JMJD1C: variants seen among roughly 807,000 people sequenced by gnomAD.
JMJD1C encodes jumonji domain-containing protein 1C.
In JMJD1C, 31 loss-of-function variants were observed where a neutral mutation model predicts 245.3. The observed-to-expected ratio is 0.13, with a 90% CI of 0.09 to 0.17. The LOEUF is 0.17. JMJD1C is among the 10% of genes least tolerant of loss of function. The pLI is 1.00. For synonymous variants in JMJD1C, 1,057 were observed against 1,017.4 expected (o/e 1.04, Z -0.74); for missense variants, 2,691 against 3,000.2 (o/e 0.90, Z 2.41).
intron 1 of JMJD1C, among the ~76,000 whole-genome samples, chr10:63,516,289 T>C (rs956704703): frequency 6.6e-6 from 1 of 151,014 alleles, no homozygotes; most frequent in Non-Finnish European, 1.5e-5. Flanking sequence ...ACTGAGTAGC[T>C]GGAAACAGGG....
intron 1 of JMJD1C, among the ~76,000 whole-genome samples, chr10:63,475,565 A>G (rs563159022): frequency 1.3e-5 from 2 of 152,314 alleles, no homozygotes; most frequent in East Asian, 3.9e-4. Flanking sequence ...AGACCAAAAC[A>G]ATAGAGGTCT....
At chr10:63,329,754 C>A (rs1436689534) in intron 2 of JMJD1C, among the ~76,000 whole-genome samples, 1 of 152,204 alleles carries the variant, frequency 6.6e-6, no homozygotes, top group Non-Finnish European at 1.5e-5. Context: ...ACCGTTGATA[C>A]TCTCTTTCAA....
chr10:63,453,385 G>A (rs564199661), intron 1 of JMJD1C, among the ~76,000 whole-genome samples: 106 of 152,264 alleles, frequency 7.0e-4, no homozygotes, highest in Non-Finnish European at 1.3e-3. Context: ...GTAATGAACA[G>A]ATTTGCTTAC....
At chr10:63,323,699 G>A (rs1941182617) in intron 2 of JMJD1C, among the ~76,000 whole-genome samples, 1 of 152,186 alleles carries the variant, frequency 6.6e-6, no homozygotes, top group African/African-American at 2.4e-5. Flanking sequence ...CTAGTACAAT[G>A]GCCTGCGGGG....
chr10:63,520,976 A>AGT (rs1284090157), intron 1 of JMJD1C, among the ~76,000 whole-genome samples: 10 of 152,272 alleles, frequency 6.6e-5, no homozygotes, highest in African/African-American at 2.4e-4. Context: ...CACACCTCAA[A>AGT]GTCTTGGCTC....
At chr10:63,384,976 G>A (rs768654734) in intron 1 of JMJD1C, among the ~76,000 whole-genome samples, 4 of 152,130 alleles carry the variant, frequency 2.6e-5, no homozygotes, top group Non-Finnish European at 5.9e-5. Context: ...CTAGCTTTCT[G>A]ATTTCAAGTT....
At chr10:63,326,269 C>T (rs780171283) in intron 2 of JMJD1C, among the ~76,000 whole-genome samples, 1 of 151,736 alleles carries the variant, frequency 6.6e-6, no homozygotes, top group East Asian at 1.9e-4. Context: ...CCGAGACAGG[C>T]GGATCATTTG....
chr10:63,311,222 A>C (rs866550538), intron 2 of JMJD1C, among the ~76,000 whole-genome samples: 1 of 151,504 alleles, frequency 6.6e-6, no homozygotes, highest in East Asian at 1.9e-4. Context: ...AAAAAAAAAA[A>C]AAACAAATTA....
chr10:63,309,746 G>A (rs1938884312), intron 2 of JMJD1C, among the ~76,000 whole-genome samples: 1 of 151,884 alleles, frequency 6.6e-6, no homozygotes, highest in Non-Finnish European at 1.5e-5. Flanking sequence ...GTGAAACCCA[G>A]TCTCTACTAA....
intron 1 of JMJD1C, among the ~76,000 whole-genome samples, chr10:63,409,724 G>A (rs1383381814): frequency 6.6e-6 from 1 of 152,096 alleles, no homozygotes; most frequent in Non-Finnish European, 1.5e-5. Flanking sequence ...AGTTACAACT[G>A]GCATGTATCT....
chr10:63,297,077 G>T (rs536297249), intron 2 of JMJD1C, among the ~76,000 whole-genome samples: 1 of 152,264 alleles, frequency 6.6e-6, no homozygotes, highest in Non-Finnish European at 1.5e-5. Flanking sequence ...ATCATACCCA[G>T]GATCCTGAAA....
At chr10:63,366,868 GATT>G in intron 2 of JMJD1C, among the ~76,000 whole-genome samples, 1 of 152,120 alleles carries the variant, frequency 6.6e-6, no homozygotes, top group Non-Finnish European at 1.5e-5. Flanking sequence ...ATAATCCCTT[GATT>G]ATTGTTACCT....
intron 1 of JMJD1C, among the ~76,000 whole-genome samples, chr10:63,440,340 G>C (rs1005920018): frequency 1.1e-5 from 1 of 89,772 alleles, no homozygotes; most frequent in East Asian, 2.7e-4. Context: ...TGTCTCAAAA[G>C]AAAAAAAAAA....
chr10:63,375,535 C>CGTGTGTGTGTGTGT (rs1206144769), intron 2 of JMJD1C, among the ~76,000 whole-genome samples: 8 of 147,374 alleles, frequency 5.4e-5, no homozygotes, highest in African/African-American at 1.8e-4. Flanking sequence ...AATATTTACA[C>CGTGTGTGTGTGTGT]GTGTGTGTGT....
At chr10:63,282,103 A>C (rs922680008) in intron 2 of JMJD1C, among the ~76,000 whole-genome samples, 2 of 152,040 alleles carry the variant, frequency 1.3e-5, no homozygotes, top group East Asian at 3.9e-4. Context: ...CCTTTTTTGC[A>C]CTGGTTTTGT....
chr10:63,238,272 A>G (rs1214272980), intron 3 of JMJD1C, among the ~76,000 whole-genome samples: 1 of 151,814 alleles, frequency 6.6e-6, no homozygotes, highest in African/African-American at 2.4e-5. Context: ...TAGAATTTTT[A>G]AGGAAGGTAT....
chr10:63,372,202 G>A (rs1459194479), intron 2 of JMJD1C, among the ~76,000 whole-genome samples: 6 of 152,264 alleles, frequency 3.9e-5, no homozygotes, highest in Admixed American at 1.3e-4. Flanking sequence ...AAGAGTTTAC[G>A]TGTTTATGAT....
At chr10:63,450,545 C>T (rs1442948360) in intron 1 of JMJD1C, among the ~76,000 whole-genome samples, 1 of 151,794 alleles carries the variant, frequency 6.6e-6, no homozygotes, top group Non-Finnish European at 1.5e-5. Flanking sequence ...TCAATAAATA[C>T]AATACATTCA....
At chr10:63,506,438 T>C (rs2133267872) in intron 1 of JMJD1C, among the ~76,000 whole-genome samples, 1 of 152,346 alleles carries the variant, frequency 6.6e-6, no homozygotes, top group East Asian at 1.9e-4. Flanking sequence ...GGTTTTAAAC[T>C]ATGCTTCTTG....
Sources: gnomAD v4.1 joint callset for allele counts (sites outside exome capture counted in the v4.1 genomes callset) on GRCh38, gnomAD v4.1.1 for gene constraint, MANE v1.5 for transcripts, NCBI Gene and HGNC (gene_info 2026-07-23, HGNC 2026-07-21) for gene names.